Variants in GLIS3 observed in about 807,000 individuals in gnomAD.
GLIS3 encodes the protein zinc finger protein GLIS3.
Under a neutral mutation model 78.6 loss-of-function variants are expected in GLIS3, and 53 were observed. The observed-to-expected ratio is 0.67, with a 90% CI of 0.54 to 0.85. The LOEUF is 0.85. Ranked by LOEUF, GLIS3 falls within the 40% of genes least tolerant of loss-of-function variation. The pLI is 0.00. For synonymous variants in GLIS3, 684 were observed against 509.9 expected (o/e 1.34, Z -4.60); for missense variants, 1,703 against 1,231.1 (o/e 1.38, Z -5.74).
the GLIS3 span, among the ~76,000 whole-genome samples, chr9:4,451,881 C>G: frequency 6.8e-6 from 1 of 147,954 alleles, no homozygotes; most frequent in Non-Finnish European, 1.5e-5. Flanking sequence ...GCACTAAATG[C>G]CCACAAGAGA....
intron 4 of GLIS3, among the ~76,000 whole-genome samples, chr9:3,991,265 T>C (rs1820209971): frequency 6.6e-6 from 1 of 152,182 alleles, no homozygotes; most frequent in African/African-American, 2.4e-5. Flanking sequence ...TAGCCATCAT[T>C]AAGACAAATG....
At chr9:4,439,223 C>T in the GLIS3 span, among the ~76,000 whole-genome samples, 14 of 152,104 alleles carry the variant, frequency 9.2e-5, no homozygotes, top group African/African-American at 2.9e-4. Context: ...TTTCTATTTT[C>T]CAAGATTTCT....
At chr9:4,335,916 C>T (rs1469165204) in intron 2 of GLIS3, among the ~76,000 whole-genome samples, 1 of 152,144 alleles carries the variant, frequency 6.6e-6, no homozygotes, top group Admixed American at 6.5e-5. Flanking sequence ...AGAGCTATGA[C>T]AACCTAAGGT....
At chr9:4,168,483 C>T (rs1330424990) in intron 2 of GLIS3, among the ~76,000 whole-genome samples, 2 of 152,106 alleles carry the variant, frequency 1.3e-5, no homozygotes, top group East Asian at 1.9e-4. Context: ...AAATGAACGT[C>T]ACTATGCTTG....
intron 4 of GLIS3, among the ~76,000 whole-genome samples, chr9:4,043,036 C>T (rs1213919053): frequency 1.3e-5 from 2 of 151,862 alleles, no homozygotes; most frequent in African/African-American, 4.8e-5. Context: ...GGCTATTCTT[C>T]TACTAAGAAC....
chr9:3,832,402 T>C (rs1211843953), intron 9 of GLIS3, among the ~76,000 whole-genome samples: 2 of 152,198 alleles, frequency 1.3e-5, no homozygotes, highest in African/African-American at 4.8e-5. Context: ...GCATACCCGC[T>C]GTTCCTAGGT....
At chr9:4,280,194 AT>A (rs1264071993) in intron 2 of GLIS3, among the ~76,000 whole-genome samples, 7 of 151,894 alleles carry the variant, frequency 4.6e-5, no homozygotes, top group South Asian at 2.1e-4. Context: ...TAATTATTTT[AT>A]TTTTTGTAGA....
chr9:3,952,994 T>G (rs1816804438), intron 4 of GLIS3, among the ~76,000 whole-genome samples: 1 of 152,222 alleles, frequency 6.6e-6, no homozygotes, highest in Non-Finnish European at 1.5e-5. Flanking sequence ...TTGTGATTGC[T>G]ACCTAGGTAA....
intron 2 of GLIS3, among the ~76,000 whole-genome samples, chr9:4,335,115 A>G (rs1204022617): frequency 2.0e-5 from 3 of 151,914 alleles, no homozygotes; most frequent in Non-Finnish European, 4.4e-5. Context: ...TCACCATGTT[A>G]GCCAGGATGG....
chr9:4,408,431 A>T, the GLIS3 span, among the ~76,000 whole-genome samples: 7 of 147,056 alleles, frequency 4.8e-5, no homozygotes, highest in Non-Finnish European at 6.0e-5. Flanking sequence ...ATGGATATTA[A>T]AAAAAAAAAA....
At chr9:4,273,328 C>G (rs143489133) in intron 2 of GLIS3, among the ~76,000 whole-genome samples, 44 of 152,280 alleles carry the variant, frequency 2.9e-4, no homozygotes, top group African/African-American at 9.6e-4. Flanking sequence ...AGCACGGTGG[C>G]TCATGTCTGT....
At chr9:3,845,966 CT>C (rs1174825794) in intron 9 of GLIS3, among the ~76,000 whole-genome samples, 2 of 152,212 alleles carry the variant, frequency 1.3e-5, no homozygotes, top group African/African-American at 4.8e-5. Flanking sequence ...GATTCCCCAC[CT>C]GTAAAATGGG....
At chr9:4,248,006 CTG>C (rs1046704778) in intron 2 of GLIS3, among the ~76,000 whole-genome samples, 7 of 152,168 alleles carry the variant, frequency 4.6e-5, no homozygotes, top group Non-Finnish European at 7.4e-5. Context: ...AGCTGAAACT[CTG>C]TACCCTTGGA....
intron 4 of GLIS3, among the ~76,000 whole-genome samples, chr9:3,992,741 C>T (rs1820423537): frequency 6.6e-6 from 1 of 151,974 alleles, no homozygotes; most frequent in Admixed American, 6.6e-5. Flanking sequence ...TAAAGGTATC[C>T]CTCTCTCAGT....
intron 2 of GLIS3, among the ~76,000 whole-genome samples, chr9:4,343,773 A>G (rs1817868883): frequency 6.6e-6 from 1 of 152,230 alleles, no homozygotes. Flanking sequence ...AGCAACATGG[A>G]TGCAGCTGGA....
intron 2 of GLIS3, among the ~76,000 whole-genome samples, chr9:4,316,785 T>G (rs1440000514): frequency 1.3e-5 from 2 of 152,218 alleles, no homozygotes; most frequent in East Asian, 1.9e-4. Context: ...ATAATTATCT[T>G]AGTTATTTTT....
At chr9:4,063,799 A>G (rs189377439) in intron 4 of GLIS3, among the ~76,000 whole-genome samples, 3 of 152,278 alleles carry the variant, frequency 2.0e-5, no homozygotes, top group Admixed American at 2.0e-4. Context: ...TCATCATAGA[A>G]AAATAACCTC....
At chr9:4,304,938 G>C (rs1382364826), upstream of GLIS3, among the ~76,000 whole-genome samples, 1 of 152,108 alleles carries the variant, frequency 6.6e-6, no homozygotes, top group African/African-American at 2.4e-5. Flanking sequence ...ATTGTCCATG[G>C]AACAAATGAC....
intron 3 of GLIS3, among the ~76,000 whole-genome samples, chr9:4,119,083 C>T (rs1367338519): frequency 6.6e-5 from 10 of 152,052 alleles, no homozygotes; most frequent in Non-Finnish European, 7.4e-5. Context: ...CCAAGAAGAA[C>T]AATAAAACCT....
Sources: gnomAD v4.1 joint callset for allele counts (sites outside exome capture counted in the v4.1 genomes callset) on GRCh38, gnomAD v4.1.1 for gene constraint, MANE v1.5 for transcripts, NCBI Gene and HGNC (gene_info 2026-07-23, HGNC 2026-07-21) for gene names.